MGAT4C: variants seen among roughly 807,000 people sequenced by gnomAD.
MGAT4C encodes the protein alpha-1,3-mannosyl-glycoprotein 4-beta-N-acetylglucosaminyltransferase C.
In MGAT4C, 19 loss-of-function variants were observed where a neutral mutation model predicts 40.1. That is an observed-to-expected ratio of 0.47 (90% CI 0.33 to 0.70). The LOEUF is 0.70. Among genes scored for constraint, MGAT4C ranks in the 30% least tolerant of loss-of-function variants. MGAT4C has a pLI of 0.02. For missense variants in MGAT4C, 491 were observed against 563.2 expected, an observed-to-expected ratio of 0.87 and a Z score of 1.30; for synonymous variants, 181 against 187.1, an observed-to-expected ratio of 0.97 and a Z score of 0.27.
intron 2 of MGAT4C, among the ~76,000 whole-genome samples, chr12:86,652,845 A>G (rs1400300731): frequency 6.6e-6 from 1 of 151,828 alleles, no homozygotes; most frequent in African/African-American, 2.4e-5. Context: ...TAATTCCTTC[A>G]TATTTTTTAT....
chr12:86,482,098 ACACAAG>A (rs1957948182), intron 2 of MGAT4C, among the ~76,000 whole-genome samples: 2 of 151,752 alleles, frequency 1.3e-5, no homozygotes, highest in South Asian at 4.2e-4. Context: ...ACACACACAC[ACACAAG>A]CAAGTCTTCT....
At chr12:86,260,569 C>A (rs1952637524), upstream of MGAT4C, among the ~76,000 whole-genome samples, 1 of 152,006 alleles carries the variant, frequency 6.6e-6, no homozygotes, top group South Asian at 2.1e-4. Context: ...GGTGTGTTTC[C>A]ATAGGAAATG....
intron 4 of MGAT4C, among the ~76,000 whole-genome samples, chr12:86,275,217 C>G (rs998438393): frequency 6.6e-6 from 1 of 152,070 alleles, no homozygotes; most frequent in African/African-American, 2.4e-5. Context: ...CTATCACAAA[C>G]CAATCTGATA....
chr12:86,211,406 C>CAAAAAAAAAAAAAAAA (rs58874795), intron 1 of MGAT4C, among the ~76,000 whole-genome samples: 3 of 35,516 alleles, frequency 8.4e-5, no homozygotes, highest in Non-Finnish European at 1.4e-4. Flanking sequence ...ACTACAAATA[C>CAAAAAAAAAAAAAAAA]AAAAAAAAAA....
intron 2 of MGAT4C, among the ~76,000 whole-genome samples, chr12:86,648,957 A>T (rs983413643): frequency 6.6e-6 from 1 of 151,758 alleles, no homozygotes; most frequent in Non-Finnish European, 1.5e-5. Flanking sequence ...TCTTAATTTC[A>T]ATGCATTTTT....
At chr12:86,571,416 T>C (rs925760362) in intron 2 of MGAT4C, among the ~76,000 whole-genome samples, 1 of 152,034 alleles carries the variant, frequency 6.6e-6, no homozygotes, top group Non-Finnish European at 1.5e-5. Context: ...TGTGTATATA[T>C]ATATGAAAAA....
At chr12:86,511,221 C>A (rs546479288) in intron 2 of MGAT4C, among the ~76,000 whole-genome samples, 92 of 152,086 alleles carry the variant, frequency 6.0e-4, no homozygotes, top group African/African-American at 2.0e-3. Context: ...GGAAACTGAA[C>A]AACCTGCTCC....
chr12:86,559,257 T>C (rs1346416096), intron 2 of MGAT4C, among the ~76,000 whole-genome samples: 1 of 151,930 alleles, frequency 6.6e-6, no homozygotes, highest in Non-Finnish European at 1.5e-5. Flanking sequence ...TTGAACAGAT[T>C]AGGTATGCAA....
intron 2 of MGAT4C, among the ~76,000 whole-genome samples, chr12:86,459,313 A>C (rs913291807): frequency 6.6e-6 from 1 of 151,896 alleles, no homozygotes; most frequent in African/African-American, 2.4e-5. Context: ...TGGCAATATC[A>C]CTCCCATGAT....
intron 2 of MGAT4C, among the ~76,000 whole-genome samples, chr12:86,535,338 A>G (rs1959050513): frequency 6.6e-6 from 1 of 152,080 alleles, no homozygotes; most frequent in Admixed American, 6.6e-5. Context: ...AACAGATTAT[A>G]TTTGTCTACA....
At chr12:86,830,795 C>T (rs996720227) in intron 1 of MGAT4C, among the ~76,000 whole-genome samples, 2 of 151,688 alleles carry the variant, frequency 1.3e-5, no homozygotes, top group Non-Finnish European at 2.9e-5. Flanking sequence ...CCTCAGGCCT[C>T]TGCTTTCTAG....
Position 85,966,298 on chromosome 12 carries a change from T to C in MGAT4C, c.*12991A>G, listed in dbSNP as rs1214775321. The stretch of plus-strand genomic sequence containing the variant: ...CTTGTGGATGAAGCCGCATGTCTCT[T>C]TTTTTTTTAACCTGGCATATAACAC... On this transcript the variant is annotated 3_prime_UTR_variant, in exon 5 of 5. Transcript: ENST00000611864. 6.7e-6 allele frequency: 1 copy of C among 149,882 alleles called. No individual in the cohort carries two copies. The highest frequency in any genetic ancestry group is 1.5e-5 in the Non-Finnish European group (1 of 67,278). The allele number at this position is 149,882 out of a possible 1,614,324, so 9.3% of individuals were successfully genotyped here.
chr12:86,219,336 A>C (rs1950792453), intron 1 of MGAT4C, among the ~76,000 whole-genome samples: 1 of 147,052 alleles, frequency 6.8e-6, no homozygotes, highest in Non-Finnish European at 1.5e-5. Flanking sequence ...AGATAAAATA[A>C]TATGTTATGA....
chr12:86,210,987 T>C (rs1226130989), intron 1 of MGAT4C, among the ~76,000 whole-genome samples: 2 of 151,940 alleles, frequency 1.3e-5, no homozygotes, highest in East Asian at 3.9e-4. Flanking sequence ...TAGACAGTGA[T>C]AAGTATATTA....
intron 3 of MGAT4C, among the ~76,000 whole-genome samples, chr12:86,399,598 T>C (rs1167718129): frequency 6.6e-6 from 1 of 152,144 alleles, no homozygotes; most frequent in Non-Finnish European, 1.5e-5. Context: ...GTTACATTTC[T>C]ACACGGTTGT....
chr12:86,504,949 A>G (rs754984266), intron 2 of MGAT4C, among the ~76,000 whole-genome samples: 4 of 152,110 alleles, frequency 2.6e-5, no homozygotes, highest in Non-Finnish European at 5.9e-5. Context: ...CGCCCAGCCA[A>G]TCTATTTTTT....
chr12:86,580,291 C>T lies in MGAT4C; in HGVS notation c.-228-145026G>A, dbSNP rs186203082. On this transcript the variant is annotated intron_variant, in intron 2 of 7. Coordinates refer to the MGAT4C transcript ENST00000548651. ...TATTTTCTCTAGGCACTTTTTAAAT[C>T]ATTTAACACATTTTGTCTCTCTTCT... Among the ~76,000 whole-genome samples the T allele has an allele frequency of 1.2e-4, 18 of 151,512 alleles. No individual in the cohort carries two copies. The East Asian group carries it at 3.1e-3, about 26-fold the overall frequency.
intron 2 of MGAT4C, among the ~76,000 whole-genome samples, chr12:86,500,671 T>G (rs1191562923): frequency 1.3e-5 from 2 of 152,104 alleles, no homozygotes; most frequent in African/African-American, 4.8e-5. Flanking sequence ...ATCCACCAAT[T>G]TATGCAAACT....
In MGAT4C at chr12:85,968,668, C is replaced by T. The variant is rs759459447; in HGVS notation, c.*10621G>A. ...TACTGTGGTACAGTCTTAGTTGCTC[C>T]GTGGTTGTCAAATCTGTCTGCACAT... On this transcript the variant is annotated 3_prime_UTR_variant, in exon 5 of 5. Coordinates refer to ENST00000611864, the MANE Select transcript of MGAT4C (RefSeq NM_001351288.2). 3 of 151,806 alleles carry T rather than the reference C, an allele frequency of 2.0e-5. No homozygotes were observed. The highest frequency in any genetic ancestry group is 4.4e-5 in the Non-Finnish European group (3 of 67,852). The allele number at this position is 151,806 out of a possible 1,614,324, so 9.4% of individuals were successfully genotyped here.
Sources: gnomAD v4.1 joint callset for allele counts (sites outside exome capture counted in the v4.1 genomes callset) on GRCh38, gnomAD v4.1.1 for gene constraint, MANE v1.5 for transcripts, NCBI Gene and HGNC (gene_info 2026-07-23, HGNC 2026-07-21) for gene names.